The following SYT1 variants were observed in gnomAD, a reference collection of about 807,000 sequenced individuals.
The protein encoded by SYT1 is synaptotagmin 1.
A neutral mutation model predicts 44.8 loss-of-function variants in SYT1; 8 were observed. The ratio of observed to expected loss-of-function variants is 0.18; its 90% confidence interval spans 0.10 to 0.32. The LOEUF (loss-of-function observed/expected upper bound fraction) is 0.32. Among genes scored for constraint, SYT1 ranks in the 10% least tolerant of loss-of-function variants. The pLI, the probability that SYT1 is intolerant of heterozygous loss-of-function variation, is 1.00. For synonymous variants in SYT1, 154 were observed against 188.8 expected, an observed-to-expected ratio of 0.82 and a Z score of 1.51; for missense variants, 286 against 509.3, an observed-to-expected ratio of 0.56 and a Z score of 4.22.
At chr12:78,947,217 T>C (rs1197384424) in intron 1 of SYT1, among the ~76,000 whole-genome samples, 1 of 152,224 alleles carries the variant, frequency 6.6e-6, no homozygotes, top group Admixed American at 6.5e-5. Context: ...CCTCATGTAT[T>C]GCTTATTTCT....
chr12:79,429,629 C>T (rs1004097255), intron 9 of SYT1, among the ~76,000 whole-genome samples: 4 of 149,488 alleles, frequency 2.7e-5, no homozygotes, highest in Non-Finnish European at 4.5e-5. Context: ...CCCGGGTTCA[C>T]GCCATTCTCC....
chr12:79,029,400 G>GCT (rs1253914552), intron 2 of SYT1, among the ~76,000 whole-genome samples: 3 of 148,896 alleles, frequency 2.0e-5, no homozygotes, highest in African/African-American at 7.4e-5. Flanking sequence ...GTTCTGGAAA[G>GCT]TTGTAGTGCT....
At chr12:79,037,489 GT>G (rs1311066032) in intron 2 of SYT1, among the ~76,000 whole-genome samples, 1 of 151,726 alleles carries the variant, frequency 6.6e-6, no homozygotes, top group Admixed American at 6.6e-5. Context: ...GAAAAAATGA[GT>G]AGTTCTTTCA....
intron 2 of SYT1, among the ~76,000 whole-genome samples, chr12:79,031,754 G>A (rs1026801096): frequency 4.0e-5 from 6 of 151,018 alleles, no homozygotes; most frequent in Admixed American, 1.3e-4. Context: ...GGAAAAATGA[G>A]ACATAGAATA....
At chr12:79,293,234 G>C (rs1448956144) in intron 6 of SYT1, among the ~76,000 whole-genome samples, 8 of 151,386 alleles carry the variant, frequency 5.3e-5, no homozygotes, top group Admixed American at 5.3e-4. Flanking sequence ...TGAGGCAGGA[G>C]AATGGTGTGA....
chr12:79,315,851 A>T (rs1253922657), intron 8 of SYT1, among the ~76,000 whole-genome samples: 1 of 152,158 alleles, frequency 6.6e-6, no homozygotes, highest in African/African-American at 2.4e-5. Context: ...ATTTTCTAGT[A>T]GTCTACTCTC....
intron 3 of SYT1, among the ~76,000 whole-genome samples, chr12:79,160,509 T>C (rs905323814): frequency 3.3e-5 from 5 of 152,128 alleles, no homozygotes; most frequent in African/African-American, 1.2e-4. Context: ...CAAGACATAC[T>C]GTGAAGATGT....
intron 4 of SYT1, among the ~76,000 whole-genome samples, chr12:79,220,517 A>AT (rs1025270939): frequency 6.6e-6 from 1 of 151,352 alleles, no homozygotes; most frequent in African/African-American, 2.4e-5. Context: ...TTTATTTAAG[A>AT]TTTTTCTTCC....
rs532885192 is a variant in SYT1, at chr12:79,234,288, A to T, written c.166+16603A>T. ...TCTCCTCTTTTGTTAAATTAACTTT[A>T]TTGAAGAATGGTTTACATACAATAA... is the stretch of plus-strand genomic sequence containing the variant. On this transcript the variant is annotated intron_variant, in intron 4 of 10. Coordinates refer to ENST00000261205, the MANE Select transcript of SYT1 (RefSeq NM_005639.3). Among the ~76,000 whole-genome samples, 311 of 152,306 alleles carry T rather than the reference A, an allele frequency of 2.0e-3. 1 individual carries two copies. The highest frequency in any genetic ancestry group is 6.7e-3 in the African/African-American group (279 of 41,556).
intron 5 of SYT1, among the ~76,000 whole-genome samples, chr12:79,287,659 A>T (rs772258851): frequency 3.3e-4 from 50 of 152,190 alleles, no homozygotes; most frequent in Non-Finnish European, 5.9e-4. Context: ...AGTGATAACG[A>T]TAGCATTTCT....
chr12:79,251,183 T>C (rs1330380229), intron 4 of SYT1, among the ~76,000 whole-genome samples: 2 of 152,078 alleles, frequency 1.3e-5, no homozygotes, highest in Admixed American at 1.3e-4. Flanking sequence ...AGGAATGAAA[T>C]CTCCTGACTC....
chr12:79,419,776 G>A (rs1868989459), intron 9 of SYT1, among the ~76,000 whole-genome samples: 1 of 152,084 alleles, frequency 6.6e-6, no homozygotes, highest in Middle Eastern at 3.4e-3. Context: ...CTCCTCAGAG[G>A]TAACTGTTAC....
chr12:79,360,886 G>A (rs894424030), intron 9 of SYT1, among the ~76,000 whole-genome samples: 6 of 152,204 alleles, frequency 3.9e-5, no homozygotes, highest in African/African-American at 4.8e-5. Context: ...TTATAGCCAA[G>A]CCCGGTACAA....
intron 2 of SYT1, among the ~76,000 whole-genome samples, chr12:79,039,441 T>C (rs1312458765): frequency 6.6e-6 from 1 of 151,986 alleles, no homozygotes; most frequent in Non-Finnish European, 1.5e-5. Context: ...AAATAATCCT[T>C]TGCTATGTTC....
chr12:79,429,803 T>C (rs79892160), intron 9 of SYT1, among the ~76,000 whole-genome samples: 2 of 152,194 alleles, frequency 1.3e-5, no homozygotes, highest in Non-Finnish European at 1.5e-5. Flanking sequence ...ATTAGACATA[T>C]GGCACATGGA....
Position 79,133,933 on chromosome 12 carries a change from C to A in SYT1, c.-17-83570C>A, listed in dbSNP as rs114672036. On this transcript the variant is annotated intron_variant, in intron 3 of 10. Coordinates refer to ENST00000261205, the MANE Select transcript of SYT1 (RefSeq NM_005639.3). ...GGCCTAGATAGAATTAGAGATTTGG[C>A]AGTCATCTGTGTCCATAGATTGCAG... is the stretch of plus-strand genomic sequence containing the variant. 6.2e-3 allele frequency among the ~76,000 whole-genome samples: 939 copies of A among 152,310 alleles called. 14 individuals are homozygous for A. Among genetic ancestry groups the A allele is most frequent in the African/African-American group, 0.021 (873 of 41,556 alleles).
At chr12:79,407,323 T>A (rs1256466489) in intron 9 of SYT1, among the ~76,000 whole-genome samples, 2 of 152,068 alleles carry the variant, frequency 1.3e-5, no homozygotes, top group Non-Finnish European at 2.9e-5. Context: ...GAGTAGTCTC[T>A]TCCAGTTTTG....
At chr12:79,338,070 G>A (rs1040462993) in intron 8 of SYT1, among the ~76,000 whole-genome samples, 6 of 152,020 alleles carry the variant, frequency 3.9e-5, no homozygotes, top group Admixed American at 2.0e-4. Flanking sequence ...TCCCCAAACT[G>A]TTCTCCATTA....
At chr12:79,402,250 G>T (rs1221761995) in intron 9 of SYT1, among the ~76,000 whole-genome samples, 1 of 152,126 alleles carries the variant, frequency 6.6e-6, no homozygotes, top group Non-Finnish European at 1.5e-5. Flanking sequence ...CTCCTCTCTT[G>T]CCTGGAAGTG....
Sources: gnomAD v4.1 joint callset for allele counts (sites outside exome capture counted in the v4.1 genomes callset) on GRCh38, gnomAD v4.1.1 for gene constraint, MANE v1.5 for transcripts, NCBI Gene and HGNC (gene_info 2026-07-23, HGNC 2026-07-21) for gene names.